FABP6: variants seen among roughly 807,000 people sequenced by gnomAD.
The protein encoded by FABP6 is gastrotropin.
A neutral mutation model predicts 14.9 loss-of-function variants in FABP6; 13 were observed. That is an observed-to-expected ratio of 0.87 (90% confidence interval 0.57 to 1.39). FABP6 has a LOEUF of 1.39. FABP6 is among the 40% of genes most tolerant of loss of function. The pLI, the probability that FABP6 is intolerant of heterozygous loss-of-function variation, is 0.00. For missense variants in FABP6, 161 were observed against 167.2 expected (o/e 0.96, Z 0.20); for synonymous variants, 75 against 63.6 (o/e 1.18, Z -0.85).
chr5:160,198,769 A>G (rs1323509088), intron 1 of FABP6: 2 of 330,742 alleles, frequency 6.0e-6, no homozygotes, highest in Non-Finnish European at 1.1e-5. Flanking sequence ...TAAGGTGTCC[A>G]CAAAGATTCC....
Position 160,232,128 on chromosome 5 carries a change from GCAACTT to G in FABP6, c.102_107del (p.Asn34_Phe35del). On this transcript the variant is annotated inframe_deletion, in exon 2 of 4. Coordinates refer to ENST00000402432, the MANE Select transcript of FABP6 (RefSeq NM_001445.3). ...TCCAGCGATGTAATCGAAAAGGCCCGCAACTTCAAGATCGTCACGGAGGTGCAGCAG... is the reference window on the plus strand; with the variant it reads ...TCCAGCGATGTAATCGAAAAGGCCCGCAAGATCGTCACGGAGGTGCAGCAG... 6.2e-7 allele frequency: 1 copy of G among 1,613,950 alleles called. No homozygotes were observed. Among genetic ancestry groups the G allele is most frequent in the Non-Finnish European group, 8.5e-7 (1 of 1,179,966 alleles).
chr5:160,220,693 G>A (rs867594157), intron 3 of FABP6, among the ~76,000 whole-genome samples: 2 of 151,956 alleles, frequency 1.3e-5, no homozygotes, highest in South Asian at 4.1e-4. Flanking sequence ...AAGTGGTCGG[G>A]TAATGTTTCT....
intron 2 of FABP6, among the ~76,000 whole-genome samples, chr5:160,211,572 C>T (rs1023003317): frequency 6.6e-6 from 1 of 152,146 alleles, no homozygotes; most frequent in Non-Finnish European, 1.5e-5. Context: ...GACTTTGAGT[C>T]ATGAGTGCAG....
At chr5:160,224,407 A>T (rs918625622) in intron 3 of FABP6, among the ~76,000 whole-genome samples, 3 of 152,162 alleles carry the variant, frequency 2.0e-5, no homozygotes, top group Admixed American at 2.0e-4. Flanking sequence ...TGGGTGACAG[A>T]GGGAGACCCT....
rs533544921 is a variant in FABP6 at position 160,206,169 on chromosome 5, C to T, written c.51+7012C>T. ...TAAAAGCAGGCTGGGCGTGGTGGCT[C>T]ATGCCTGTAATCCCAACTTTGGGAA... On this transcript the variant is annotated intron_variant, in intron 2 of 6. Coordinates refer to the FABP6 transcript ENST00000393980. Among the ~76,000 whole-genome samples the T allele has an allele frequency of 2.0e-4, 31 of 152,278 alleles. No homozygotes were observed. In the South Asian group the frequency reaches 5.0e-3, roughly 24 times the overall value.
At chr5:160,199,653 C>T (rs540435892) in intron 2 of FABP6, among the ~76,000 whole-genome samples, 125 of 152,328 alleles carry the variant, frequency 8.2e-4, no homozygotes, top group Middle Eastern at 3.4e-3. Flanking sequence ...TACCTGGCAT[C>T]TCCCCCTGCT....
intron 2 of FABP6, among the ~76,000 whole-genome samples, chr5:160,205,757 G>A (rs1460715560): frequency 2.1e-4 from 32 of 152,210 alleles, no homozygotes; most frequent in Admixed American, 2.0e-3. Flanking sequence ...TAATGTGAGA[G>A]TGTGGGGTAT....
chr5:160,230,905 T>C (rs1473756736), intron 1 of FABP6, among the ~76,000 whole-genome samples: 1 of 152,222 alleles, frequency 6.6e-6, no homozygotes, highest in Non-Finnish European at 1.5e-5. Context: ...CCAAACACTG[T>C]GGGCAGAGAG....
At chr5:160,233,762 A>C (rs1760445328) in intron 2 of FABP6, among the ~76,000 whole-genome samples, 1 of 151,852 alleles carries the variant, frequency 6.6e-6, no homozygotes, top group Non-Finnish European at 1.5e-5. Flanking sequence ...AATCCCAGCT[A>C]CTCGGGAGGC....
intron 1 of FABP6, among the ~76,000 whole-genome samples, chr5:160,194,278 C>A (rs1484698067): frequency 6.6e-6 from 1 of 152,206 alleles, no homozygotes; most frequent in Non-Finnish European, 1.5e-5. Context: ...AGTTCCTGCT[C>A]GCGCCTCTCC....
At chr5:160,225,164 T>A (rs909628064), upstream of FABP6, among the ~76,000 whole-genome samples, 1 of 151,896 alleles carries the variant, frequency 6.6e-6, no homozygotes, top group African/African-American at 2.4e-5. Flanking sequence ...TGGTGTGATG[T>A]CGGCTCACTG....
At chr5:160,207,018 A>G (rs1466972472) in intron 2 of FABP6, among the ~76,000 whole-genome samples, 1 of 152,260 alleles carries the variant, frequency 6.6e-6, no homozygotes, top group Admixed American at 6.5e-5. Context: ...CTCATAGGCA[A>G]ATAATTGAGT....
intron 2 of FABP6, among the ~76,000 whole-genome samples, chr5:160,212,011 C>T (rs2901522): frequency 0.3 from 41,072 of 135,368 alleles, 6,046 homozygotes; most frequent in East Asian, 0.46. Flanking sequence ...TTTTGAGATG[C>T]AGTCTCCCTC....
At chr5:160,213,459 G>C (rs889165614) in intron 2 of FABP6, among the ~76,000 whole-genome samples, 6 of 152,196 alleles carry the variant, frequency 3.9e-5, no homozygotes, top group Non-Finnish European at 8.8e-5. Flanking sequence ...CCAGCCTTTG[G>C]CAGCAGAATC....
At chr5:160,208,674 T>C (rs983819190) in intron 2 of FABP6, among the ~76,000 whole-genome samples, 1 of 152,160 alleles carries the variant, frequency 6.6e-6, no homozygotes, top group Non-Finnish European at 1.5e-5. Context: ...ATGCCTATAA[T>C]CTCAGAACTT....
intron 3 of FABP6, among the ~76,000 whole-genome samples, chr5:160,216,749 T>A (rs1760020680): frequency 6.6e-6 from 1 of 152,212 alleles, no homozygotes. Context: ...GACTTTCTTT[T>A]CTGTAAGTAG....
intron 1 of FABP6, among the ~76,000 whole-genome samples, chr5:160,191,981 GA>G (rs1170201655): frequency 6.7e-6 from 1 of 148,602 alleles, no homozygotes; most frequent in African/African-American, 2.5e-5. Flanking sequence ...CTCAAAAAAA[GA>G]AAAAAAAGAA....
chr5:160,220,857 G>T (rs1295082443), intron 3 of FABP6, among the ~76,000 whole-genome samples: 1 of 152,024 alleles, frequency 6.6e-6, no homozygotes, highest in Non-Finnish European at 1.5e-5. Context: ...GGAGGCTGAG[G>T]TGGGTGGATC....
intron 3 of FABP6, among the ~76,000 whole-genome samples, chr5:160,235,506 G>A (rs1454958336): frequency 6.6e-6 from 1 of 152,216 alleles, no homozygotes; most frequent in East Asian, 1.9e-4. Context: ...GGTGCCCTGG[G>A]AGGCCCTTCC....
Sources: allele counts gnomAD v4.1 joint callset (sites outside exome capture counted in the v4.1 genomes callset), GRCh38; gene constraint gnomAD v4.1.1; transcripts MANE v1.5; gene names NCBI Gene and HGNC (gene_info 2026-07-23, HGNC 2026-07-21).